The following MTMR2 variants were observed in gnomAD, a reference collection of about 807,000 sequenced individuals.
The protein encoded by MTMR2 is myotubularin related protein 2, also known as phosphatidylinositol-3,5-bisphosphate 3-phosphatase MTMR2.
Under a neutral mutation model 86.9 loss-of-function variants are expected in MTMR2, and 55 were observed. The ratio of observed to expected loss-of-function variants is 0.63; its 90% confidence interval spans 0.51 to 0.79. The LOEUF is 0.79. Among genes scored for constraint, MTMR2 ranks in the 30% least tolerant of loss-of-function variants. The pLI, the probability that MTMR2 is intolerant of heterozygous loss-of-function variation, is 0.00. For missense variants in MTMR2, 659 were observed against 772.3 expected (o/e 0.85, Z 1.74); for synonymous variants, 241 against 266.8 (o/e 0.90, Z 0.94).
chr11:95,857,777 TTTTTG>T (rs1864265547), intron 6 of MTMR2, 142 bp from the exon 7 acceptor site: 9 of 640,284 alleles, frequency 1.4e-5, no homozygotes, highest in African/African-American at 3.7e-5. Flanking sequence ...TGTATTATAG[TTTTTG>T]TTTTATCATT....
rs543175283 is a variant in MTMR2 at position 95,856,146 on chromosome 11, T to C, written c.654+1406A>G. Among the ~76,000 whole-genome samples, 13 of 152,038 alleles carry C rather than the reference T, an allele frequency of 8.6e-5. No individual in the cohort carries two copies. The South Asian group carries it at 1.0e-3, about 12-fold the overall frequency. ...CTTAAAAAAACAATACCCACACATATATACACAAGCTTTGTAGGCATGAAA... is the reference window on the plus strand; with the variant it reads ...CTTAAAAAAACAATACCCACACATACATACACAAGCTTTGTAGGCATGAAA... On this transcript the variant is annotated intron_variant, in intron 7 of 14. Transcript: ENST00000346299.
chr11:95,852,653 C>T (rs1457346210), intron 7 of MTMR2, among the ~76,000 whole-genome samples: 1 of 152,218 alleles, frequency 6.6e-6, no homozygotes, highest in Non-Finnish European at 1.5e-5. Context: ...GAAAGTTAAA[C>T]CCTGCACCAG....
At chr11:95,874,163 T>C (rs138520329) in intron 2 of MTMR2, among the ~76,000 whole-genome samples, 8,434 of 152,198 alleles carry the variant, frequency 0.055, 814 homozygotes, top group African/African-American at 0.19. Flanking sequence ...TAACTTTCTG[T>C]CTCACTGATC....
chr11:95,892,455 C>G (rs1448285356), intron 1 of MTMR2, among the ~76,000 whole-genome samples: 1 of 152,184 alleles, frequency 6.6e-6, no homozygotes, highest in Non-Finnish European at 1.5e-5. Context: ...ACTTCAGTTA[C>G]ATGGCCACCT....
Position 95,841,498 on chromosome 11 carries a change from T to G in MTMR2, c.1479+119A>C, listed in dbSNP as rs1397348781. On this transcript the variant is annotated intron_variant, in intron 12 of 14. Transcript: ENST00000346299. ...ACAATAAATAGCTCTCACATGGACATGGAGATGTTACAAGAATTTCCATTT... is the reference window on the plus strand; with the variant it reads ...ACAATAAATAGCTCTCACATGGACAGGGAGATGTTACAAGAATTTCCATTT... The G allele has an allele frequency of 3.8e-6, 3 of 793,036 alleles. No homozygotes were observed. The Admixed American group carries it at 5.1e-5, about 14-fold the overall frequency. The allele number at this position is 793,036 out of a possible 1,614,324, so 49.1% of individuals were successfully genotyped here. A position where few individuals can be genotyped will look rare whatever the true frequency, so the allele number is the denominator to read the frequency against.
intron 1 of MTMR2, 30 bp downstream of exon 1, chr11:95,923,845 G>GCTGGGCGGGGCC (rs1867026820): frequency 5.2e-6 from 8 of 1,538,726 alleles, no homozygotes; most frequent in African/African-American, 2.7e-5. Flanking sequence ...CCCTTCGGAC[G>GCTGGGCGGGGCC]CTGGGCGGGG....
intron 1 of MTMR2, among the ~76,000 whole-genome samples, chr11:95,894,024 G>A (rs765268847): frequency 3.3e-5 from 5 of 152,030 alleles, no homozygotes; most frequent in Non-Finnish European, 4.4e-5. Context: ...AGTTTTCCAC[G>A]ATCTGGCCCT....
At chr11:95,890,708 C>A (rs758267930) in intron 1 of MTMR2, among the ~76,000 whole-genome samples, 17 of 152,136 alleles carry the variant, frequency 1.1e-4, no homozygotes, top group Admixed American at 3.9e-4. Flanking sequence ...TGTAGCATCA[C>A]TGAGCCAACA....
intron 2 of MTMR2, among the ~76,000 whole-genome samples, chr11:95,875,546 C>T (rs910829430): frequency 7.9e-5 from 12 of 152,070 alleles, no homozygotes; most frequent in Admixed American, 5.9e-4. Context: ...GTTTGAAGTT[C>T]CTCCTTTAGC....
At chr11:95,915,594 C>T (rs1298990154) in intron 1 of MTMR2, among the ~76,000 whole-genome samples, 1 of 152,122 alleles carries the variant, frequency 6.6e-6, no homozygotes, top group Non-Finnish European at 1.5e-5. Context: ...TAAAAACAAA[C>T]TGAATATTGG....
chr11:95,923,720 G>T, intron 1 of MTMR2, 155 bp downstream of exon 1: 1 of 1,453,372 alleles, frequency 6.9e-7, no homozygotes, highest in South Asian at 1.4e-5. Context: ...CACGCCCCAG[G>T]GAGGGAGGCA....
At chr11:95,914,465 TAAAACTGTTCTTTTGAATGAA>T (rs1048498693) in intron 1 of MTMR2, among the ~76,000 whole-genome samples, 1 of 152,126 alleles carries the variant, frequency 6.6e-6, no homozygotes, top group Non-Finnish European at 1.5e-5. Flanking sequence ...CTTCAAAATG[TAAAACTGTTCTTTTGAATGAA>T]ATGATACTAC....
intron 1 of MTMR2, among the ~76,000 whole-genome samples, chr11:95,899,843 G>C (rs1401013712): frequency 6.6e-6 from 1 of 152,090 alleles, no homozygotes; most frequent in African/African-American, 2.4e-5. Context: ...GGGCTTTGTG[G>C]AGGCAAGAAA....
intron 3 of MTMR2, among the ~76,000 whole-genome samples, chr11:95,865,143 T>C (rs192020393): frequency 6.6e-6 from 1 of 152,230 alleles, no homozygotes; most frequent in East Asian, 1.9e-4. Flanking sequence ...ATCCAAAAAT[T>C]AACCTGACTT....
chr11:95,870,731 C>CTT (rs1158293839), intron 2 of MTMR2, among the ~76,000 whole-genome samples: 6,510 of 129,748 alleles, frequency 0.05, 314 homozygotes, highest in African/African-American at 0.13. Context: ...TTCTTTTTTT[C>CTT]TTTTTCTTTT....
At chr11:95,844,832 G>T in intron 11 of MTMR2, 121 bp downstream of exon 11, 2 of 917,368 alleles carry the variant, frequency 2.2e-6, no homozygotes, top group Non-Finnish European at 3.5e-6. Flanking sequence ...AAGCAAAAAC[G>T]TTTACCCCAC....
At chr11:95,885,133 AC>A (rs1565372724) in intron 2 of MTMR2, among the ~76,000 whole-genome samples, 1 of 152,116 alleles carries the variant, frequency 6.6e-6, no homozygotes, top group East Asian at 1.9e-4. Flanking sequence ...TCCCTTTGTA[AC>A]CTAGTGCTAA....
intron 7 of MTMR2, among the ~76,000 whole-genome samples, chr11:95,851,368 A>T (rs1296918642): frequency 2.1e-5 from 3 of 141,576 alleles, no homozygotes; most frequent in Non-Finnish European, 3.1e-5. Context: ...TTATTTATTT[A>T]TTTATTTTTT....
intron 1 of MTMR2, among the ~76,000 whole-genome samples, chr11:95,921,099 TAA>T (rs949195724): frequency 2.0e-5 from 3 of 152,246 alleles, no homozygotes; most frequent in Non-Finnish European, 4.4e-5. Context: ...TAAATTTGAC[TAA>T]AGTTTTACTA....
Sources: gnomAD v4.1 joint callset for allele counts (sites outside exome capture counted in the v4.1 genomes callset) on GRCh38, gnomAD v4.1.1 for gene constraint, MANE v1.5 for transcripts, NCBI Gene and HGNC (gene_info 2026-07-23, HGNC 2026-07-21) for gene names.